Variants in TADA2A observed in about 807,000 individuals in gnomAD.
TADA2A encodes transcriptional adaptor 2A.
TADA2A carries 38 observed loss-of-function variants against 67.4 expected under a neutral mutation model. That is an observed-to-expected ratio of 0.56 (90% CI 0.44 to 0.74). The LOEUF is 0.74. Among genes scored for constraint, TADA2A ranks in the 30% least tolerant of loss-of-function variants. The pLI is 0.00. For synonymous variants in TADA2A, 192 were observed against 181.6 expected (o/e 1.06, Z -0.46); for missense variants, 454 against 547.0 (o/e 0.83, Z 1.70).
At chr17:37,475,948 A>G (rs551587309) in intron 15 of TADA2A, among the ~76,000 whole-genome samples, 3 of 152,336 alleles carry the variant, frequency 2.0e-5, no homozygotes, top group South Asian at 4.1e-4. Context: ...TTTGCTCCTC[A>G]TATGCTCCTT....
At chr17:37,443,461 C>T (rs1048119199) in intron 7 of TADA2A, among the ~76,000 whole-genome samples, 4 of 152,112 alleles carry the variant, frequency 2.6e-5, no homozygotes, top group African/African-American at 4.8e-5. Flanking sequence ...ACCATGTTGG[C>T]CAGGCTGGTC....
At chr17:37,435,194 A>G (rs953505329) in intron 4 of TADA2A, among the ~76,000 whole-genome samples, 3 of 152,210 alleles carry the variant, frequency 2.0e-5, no homozygotes, top group African/African-American at 7.2e-5. Context: ...ATGTTAGGAA[A>G]TTATTTTTCT....
intron 4 of TADA2A, among the ~76,000 whole-genome samples, chr17:37,435,536 C>T (rs2052698601): frequency 6.6e-6 from 1 of 152,124 alleles, no homozygotes; most frequent in South Asian, 2.1e-4. Flanking sequence ...GATCTGCCCG[C>T]CTTGGCCTCT....
chr17:37,440,219 G>A (rs1261176878), intron 5 of TADA2A, among the ~76,000 whole-genome samples: 1 of 152,046 alleles, frequency 6.6e-6, no homozygotes, highest in East Asian at 1.9e-4. Context: ...GGGATTACAG[G>A]TGTGAGCCAC....
chr17:37,436,135 A>G (rs930996793), intron 4 of TADA2A, among the ~76,000 whole-genome samples: 11 of 152,122 alleles, frequency 7.2e-5, no homozygotes, highest in African/African-American at 2.7e-4. Flanking sequence ...GCTTTACCTC[A>G]TAACATATAC....
chr17:37,432,323 G>A (rs1387548457), intron 4 of TADA2A, among the ~76,000 whole-genome samples: 1 of 151,922 alleles, frequency 6.6e-6, no homozygotes, highest in Non-Finnish European at 1.5e-5. Context: ...GTCCACCACC[G>A]CGCCTGGCTA....
chr17:37,429,386 G>T (rs899352747), intron 4 of TADA2A, among the ~76,000 whole-genome samples: 4 of 151,938 alleles, frequency 2.6e-5, no homozygotes, highest in African/African-American at 9.7e-5. Context: ...AGTGTTTGAT[G>T]GACTAGTCAG....
At chr17:37,409,173 C>T (rs966680260) in intron 1 of TADA2A, among the ~76,000 whole-genome samples, 4 of 152,100 alleles carry the variant, frequency 2.6e-5, no homozygotes, top group African/African-American at 7.2e-5. Context: ...GCAACCTCCA[C>T]CTGCCTGGTT....
intron 8 of TADA2A, among the ~76,000 whole-genome samples, chr17:37,446,094 T>A (rs1008833510): frequency 1.5e-3 from 145 of 96,118 alleles, no homozygotes; most frequent in African/African-American, 6.1e-3. Context: ...TGGGTTTTTT[T>A]TTGGGGGGGT....
chr17:37,441,556 ACT>A (rs946480937), intron 6 of TADA2A, among the ~76,000 whole-genome samples: 2 of 151,630 alleles, frequency 1.3e-5, no homozygotes, highest in African/African-American at 4.9e-5. Flanking sequence ...TTCCTGAATG[ACT>A]CTCAGGGTAC....
intron 8 of TADA2A, among the ~76,000 whole-genome samples, chr17:37,449,231 C>T (rs1040433345): frequency 6.6e-6 from 1 of 152,128 alleles, no homozygotes; most frequent in Non-Finnish European, 1.5e-5. Context: ...CCATGTTAGC[C>T]AGGATAGTCT....
Position 37,420,981 on chromosome 17 carries a change from A to G in TADA2A, c.26-2528A>G, listed in dbSNP as rs1429827575. Among the ~76,000 whole-genome samples the G allele has an allele frequency of 2.7e-5, 4 of 146,762 alleles. 2 individuals are homozygous for G. Among genetic ancestry groups the G allele is most frequent in the Non-Finnish European group, 6.1e-5 (4 of 65,736 alleles). On this transcript the variant is annotated intron_variant, in intron 2 of 15. Coordinates refer to ENST00000615182, the MANE Select transcript of TADA2A (RefSeq NM_001166105.3). ...TATATCTGCATTTTTATGAGTTTTG[A>G]GAGTTTGGATTGTACTCCTTGTCTT...
intron 14 of TADA2A, among the ~76,000 whole-genome samples, chr17:37,472,363 G>A (rs1032771236): frequency 6.6e-6 from 1 of 151,894 alleles, no homozygotes; most frequent in South Asian, 2.1e-4. Flanking sequence ...ACTGCGCCTG[G>A]TCACTGAAGG....
At chr17:37,411,167 C>G (rs1456178286) in intron 1 of TADA2A, 102 bp from the exon 2 acceptor site, 3 of 597,696 alleles carry the variant, frequency 5.0e-6, no homozygotes, top group South Asian at 4.4e-5. Flanking sequence ...TTCAACATTA[C>G]AAAGCTAAGA....
At chr17:37,440,786 G>A in intron 6 of TADA2A, 124 bp downstream of exon 6, 2 of 1,226,462 alleles carry the variant, frequency 1.6e-6, no homozygotes, top group South Asian at 2.9e-5. Context: ...GGAGGAGTTA[G>A]TATGGCAGCT....
intron 8 of TADA2A, chr17:37,454,395 A>G (rs2053325843): frequency 1.3e-5 from 2 of 149,992 alleles, no homozygotes; most frequent in African/African-American, 4.9e-5. Context: ...TCCCGCGTTC[A>G]AGCAATTCTC....
intron 15 of TADA2A, among the ~76,000 whole-genome samples, chr17:37,475,235 G>T (rs1250888932): frequency 2.0e-5 from 3 of 151,808 alleles, no homozygotes; most frequent in East Asian, 3.9e-4. Flanking sequence ...GCAGTGATGC[G>T]ATCACAGCTC....
At chr17:37,418,868 T>C (rs200677477) in intron 2 of TADA2A, among the ~76,000 whole-genome samples, 10,899 of 136,314 alleles carry the variant, frequency 0.08, 818 homozygotes, top group East Asian at 0.17. Flanking sequence ...GGATTACAGG[T>C]ATGAGCCACC....
chr17:37,418,502 A>G (rs1208649190), intron 2 of TADA2A, among the ~76,000 whole-genome samples: 1 of 152,222 alleles, frequency 6.6e-6, no homozygotes, highest in Non-Finnish European at 1.5e-5. Context: ...TCCATTAGAA[A>G]GAACAAGGAA....
Sources: allele counts gnomAD v4.1 joint callset (sites outside exome capture counted in the v4.1 genomes callset), GRCh38; gene constraint gnomAD v4.1.1; transcripts MANE v1.5; gene names NCBI Gene and HGNC (gene_info 2026-07-23, HGNC 2026-07-21).